ITGBL1: variants seen among roughly 807,000 people sequenced by gnomAD.
The protein encoded by ITGBL1 is integrin beta-like protein 1.
A neutral mutation model predicts 68.5 loss-of-function variants in ITGBL1; 51 were observed. The observed-to-expected ratio is 0.74, with a 90% CI of 0.59 to 0.94. The LOEUF (loss-of-function observed/expected upper bound fraction) is 0.94. Among genes scored for constraint, ITGBL1 ranks in the 40% least tolerant of loss-of-function variants. ITGBL1 has a pLI of 0.00. For synonymous variants in ITGBL1, 209 were observed against 227.3 expected, an observed-to-expected ratio of 0.92 and a Z score of 0.72; for missense variants, 649 against 647.4, an observed-to-expected ratio of 1.00 and a Z score of -0.03.
chr13:101,677,336 A>G (rs1012372456), intron 7 of ITGBL1, among the ~76,000 whole-genome samples: 2 of 152,160 alleles, frequency 1.3e-5, no homozygotes, highest in African/African-American at 2.4e-5. Flanking sequence ...TCTTTAGGTT[A>G]TATAGTTCTT....
intron 2 of ITGBL1, among the ~76,000 whole-genome samples, chr13:101,477,398 A>G: frequency 6.6e-6 from 1 of 152,066 alleles, no homozygotes; most frequent in Non-Finnish European, 1.5e-5. Context: ...AAAAACTTCA[A>G]ATAAACAACC....
Position 101,567,873 on chromosome 13 carries a change from T to A in ITGBL1, c.463+28T>A, listed in dbSNP as rs769245564. 8 of 1,582,802 alleles carry A rather than the reference T, an allele frequency of 5.1e-6. No individual in the cohort carries two copies. In the South Asian group the frequency reaches 9.1e-5, roughly 18 times the overall value. On this transcript the variant is annotated intron_variant, in intron 3 of 10. Coordinates refer to ENST00000376180, the MANE Select transcript of ITGBL1 (RefSeq NM_004791.3). ...AAGAAGTATACCCTGTGAAAATTGT[T>A]AAGTGGAATAATCAAATTTTGTTTT...
intron 2 of ITGBL1, among the ~76,000 whole-genome samples, chr13:101,510,753 G>A (rs942458474): frequency 6.6e-6 from 1 of 151,990 alleles, no homozygotes; most frequent in Non-Finnish European, 1.5e-5. Flanking sequence ...GATTAGTGAT[G>A]AGCATTTTTT....
intron 7 of ITGBL1, among the ~76,000 whole-genome samples, chr13:101,621,547 C>T (rs1442542604): frequency 6.6e-6 from 1 of 152,120 alleles, no homozygotes; most frequent in African/African-American, 2.4e-5. Context: ...ACCCAGATTG[C>T]TGCTAAGCCT....
chr13:101,688,464 T>G (rs2033807059), intron 7 of ITGBL1, among the ~76,000 whole-genome samples: 1 of 152,128 alleles, frequency 6.6e-6, no homozygotes, highest in Non-Finnish European at 1.5e-5. Flanking sequence ...GAACATAAAG[T>G]CTCTGAACAT....
chr13:101,572,010 G>C (rs925404482), intron 3 of ITGBL1, among the ~76,000 whole-genome samples: 1 of 152,020 alleles, frequency 6.6e-6, no homozygotes, highest in African/African-American at 2.4e-5. Flanking sequence ...GTGTATTCAA[G>C]GCAAATTACC....
intron 7 of ITGBL1, among the ~76,000 whole-genome samples, chr13:101,655,759 G>A (rs2032901599): frequency 6.6e-6 from 1 of 152,230 alleles, no homozygotes; most frequent in Non-Finnish European, 1.5e-5. Context: ...TATGGAGGCA[G>A]ATCTTATGAC....
At chr13:101,680,057 G>A (rs1327996917) in intron 7 of ITGBL1, among the ~76,000 whole-genome samples, 1 of 152,152 alleles carries the variant, frequency 6.6e-6, no homozygotes, top group Non-Finnish European at 1.5e-5. Flanking sequence ...ATGTCAACGT[G>A]GCTTGCATTA....
chr13:101,581,135 C>T (rs555868944), intron 5 of ITGBL1, among the ~76,000 whole-genome samples: 1 of 152,248 alleles, frequency 6.6e-6, no homozygotes, highest in South Asian at 2.1e-4. Flanking sequence ...TTTTCCCCAT[C>T]TTCAGGGGCC....
chr13:101,622,944 T>TGTGTGTGTGTGTG (rs1594937161), intron 7 of ITGBL1, among the ~76,000 whole-genome samples: 1 of 151,104 alleles, frequency 6.6e-6, no homozygotes, highest in African/African-American at 2.4e-5. Context: ...TGTGTGTGTG[T>TGTGTGTGTGTGTG]TTTCCTGTAG....
chr13:101,598,395 G>A, intron 7 of ITGBL1, 96 bp downstream of exon 7: 1 of 1,048,668 alleles, frequency 9.5e-7, no homozygotes, highest in African/African-American at 1.7e-5. Flanking sequence ...TTTGTTTTTT[G>A]TTTTCTGCTT....
chr13:101,701,867 G>A (rs1224999255), intron 8 of ITGBL1, among the ~76,000 whole-genome samples: 1 of 152,148 alleles, frequency 6.6e-6, no homozygotes, highest in South Asian at 2.1e-4. Flanking sequence ...TGTTTTATGG[G>A]TGCTTAGTTT....
At chr13:101,510,735 TTGA>T (rs1198307797) in intron 2 of ITGBL1, among the ~76,000 whole-genome samples, 4 of 152,154 alleles carry the variant, frequency 2.6e-5, no homozygotes, top group Non-Finnish European at 4.4e-5. Flanking sequence ...GATTTGCATT[TTGA>T]TGATGATTAG....
intron 2 of ITGBL1, among the ~76,000 whole-genome samples, chr13:101,533,750 A>G (rs1221889561): frequency 1.1e-5 from 1 of 93,960 alleles, no homozygotes; most frequent in Non-Finnish European, 2.2e-5. Context: ...GAAGTACAAT[A>G]AAAGAGTTTG....
At chr13:101,471,247 C>T (rs2048452693) in intron 2 of ITGBL1, among the ~76,000 whole-genome samples, 2 of 152,138 alleles carry the variant, frequency 1.3e-5, no homozygotes, top group African/African-American at 2.4e-5. Context: ...TTGCTTGTGC[C>T]TCTGTTTCCT....
chr13:101,469,356 T>C (rs1420071633), intron 2 of ITGBL1, among the ~76,000 whole-genome samples: 2 of 152,184 alleles, frequency 1.3e-5, no homozygotes, highest in Admixed American at 1.3e-4. Flanking sequence ...CTGGATATTG[T>C]GGTCTTTCAA....
intron 2 of ITGBL1, among the ~76,000 whole-genome samples, chr13:101,555,544 G>C (rs1426283433): frequency 6.6e-6 from 1 of 152,036 alleles, no homozygotes; most frequent in African/African-American, 2.4e-5. Flanking sequence ...CTGATGTCAA[G>C]GTATAATATG....
intron 2 of ITGBL1, among the ~76,000 whole-genome samples, chr13:101,542,618 T>C (rs1221486571): frequency 6.6e-6 from 1 of 152,224 alleles, no homozygotes; most frequent in African/African-American, 2.4e-5. Context: ...CCTTGTTAAC[T>C]TTCTGTCTCG....
downstream of ITGBL1, chr13:101,720,514 G>A (rs1363629346): frequency 1.4e-5 from 2 of 148,048 alleles, no homozygotes; most frequent in Admixed American, 1.4e-4. Context: ...GTAACAAATA[G>A]ATGGGGGTGT....
Sources: allele counts gnomAD v4.1 joint callset (sites outside exome capture counted in the v4.1 genomes callset), GRCh38; gene constraint gnomAD v4.1.1; transcripts MANE v1.5; gene names NCBI Gene and HGNC (gene_info 2026-07-23, HGNC 2026-07-21).